Variants in SEH1L observed in about 807,000 individuals in gnomAD.
SEH1L encodes SEH1 like nucleoporin.
Under a neutral mutation model 49.5 loss-of-function variants are expected in SEH1L, and 18 were observed. That is an observed-to-expected ratio of 0.36 (90% CI 0.25 to 0.54). SEH1L has a LOEUF of 0.54. Among genes scored for constraint, SEH1L ranks in the 20% least tolerant of loss-of-function variants. The pLI, the probability that SEH1L is intolerant of heterozygous loss-of-function variation, is 0.87. For missense variants in SEH1L, 404 were observed against 528.8 expected (o/e 0.76, Z 2.31); for synonymous variants, 169 against 178.1 (o/e 0.95, Z 0.41).
chr18:12,977,013 C>G (rs76592190), intron 5 of SEH1L: 1 of 152,248 alleles, frequency 6.6e-6, no homozygotes, highest in Non-Finnish European at 1.5e-5. Context: ...TGTGTAGGCC[C>G]CAGGAGGGGG....
In SEH1L at chr18:12,984,032, C is replaced by T. The variant is rs556284026; in HGVS notation, c.920-8C>T. 2 of 1,609,946 alleles carry T rather than the reference C, an allele frequency of 1.2e-6. No individual in the cohort carries two copies. Among genetic ancestry groups the T allele is most frequent in the South Asian group, 1.1e-5 (1 of 90,882 alleles). On this transcript the variant is annotated splice_region_variant and splice_polypyrimidine_tract_variant and intron_variant, in intron 7 of 8. Coordinates refer to ENST00000399892, the MANE Select transcript of SEH1L (RefSeq NM_001013437.2). ...TCATGTTAATGTATTTGATTATTTTCCTTTCAGCTAATTATATGGACAATT... is the reference window on the plus strand; with the variant it reads ...TCATGTTAATGTATTTGATTATTTTTCTTTCAGCTAATTATATGGACAATT...
chr18:12,949,442 GTTTTTTTTT>G (rs71174155), intron 1 of SEH1L, among the ~76,000 whole-genome samples: 5 of 51,810 alleles, frequency 9.7e-5, no homozygotes, highest in African/African-American at 4.0e-4. Flanking sequence ...TACGTTAACC[GTTTTTTTTT>G]TTTTTTTTTT....
intron 5 of SEH1L, chr18:12,973,033 C>G (rs2031769217): frequency 6.6e-6 from 1 of 152,066 alleles, no homozygotes; most frequent in Non-Finnish European, 1.5e-5. Flanking sequence ...TGGTGAAACC[C>G]TTTCGCTACA....
intron 5 of SEH1L, among the ~76,000 whole-genome samples, chr18:12,974,821 T>A (rs970008520): frequency 6.6e-6 from 1 of 152,152 alleles, no homozygotes; most frequent in Non-Finnish European, 1.5e-5. Flanking sequence ...AACACTGTTT[T>A]ACAAATGAGA....
chr18:12,955,189 G>C (rs1018450585), intron 2 of SEH1L, among the ~76,000 whole-genome samples: 2 of 150,752 alleles, frequency 1.3e-5, no homozygotes, highest in Admixed American at 1.3e-4. Flanking sequence ...TATCTGGCTA[G>C]ATTTTTCTTT....
intron 2 of SEH1L, among the ~76,000 whole-genome samples, chr18:12,952,601 A>G (rs2030608643): frequency 6.6e-6 from 1 of 152,188 alleles, no homozygotes; most frequent in South Asian, 2.1e-4. Context: ...GTAAACTTAC[A>G]TAGTTGTGTA....
chr18:12,986,171 C>T, intron 8 of SEH1L: 1 of 984,836 alleles, frequency 1.0e-6, no homozygotes, highest in Non-Finnish European at 1.2e-6. Context: ...TAAATTAATT[C>T]ATGTCCTGTA....
intron 2 of SEH1L, among the ~76,000 whole-genome samples, chr18:12,954,311 CCCTCCCACCCCTTGGCCAACAGGAGGGG>C (rs1455873902): frequency 6.6e-6 from 1 of 152,146 alleles, no homozygotes; most frequent in Non-Finnish European, 1.5e-5. Context: ...CAGCCACCTC[CCCTCCCACCCCTTGGCCAACAGGAGGGG>C]TGTAAGGATT....
At chr18:12,981,156 C>T (rs2032236118) in intron 6 of SEH1L, among the ~76,000 whole-genome samples, 1 of 151,846 alleles carries the variant, frequency 6.6e-6, no homozygotes, top group Non-Finnish European at 1.5e-5. Context: ...GGCGGCCGGG[C>T]AGAGACGCTC....
chr18:12,952,377 C>T lies in SEH1L; in HGVS notation c.162+472C>T, dbSNP rs140938225. Among the ~76,000 whole-genome samples, 344 of 152,046 alleles carry T rather than the reference C, an allele frequency of 2.3e-3. 9 individuals carry two copies. The East Asian group carries it at 0.05, about 22-fold the overall frequency. On this transcript the variant is annotated intron_variant, in intron 2 of 8. Transcript: ENST00000399892. ...CCTCCCAAGTAGCTGGGACTGTAGG[C>T]GTGCACCACGATGCCCGGCTAATTT...
chr18:12,948,032 G>T lies in SEH1L; in HGVS notation c.-90G>T. On this transcript the variant is annotated 5_prime_UTR_variant, in exon 1 of 9. Transcript: ENST00000399892. ...GGGCAGCACAAGCCGTGCGCTCCCG[G>T]GCTGCGAGGTCTGGCTAGGCTACGG... 1.1e-6 allele frequency: 1 copy of T among 908,754 alleles called. No homozygotes were observed. The highest frequency in any genetic ancestry group is 1.7e-6 in the Non-Finnish European group (1 of 590,602). The allele number at this position is 908,754 out of a possible 1,614,324, so 56.3% of individuals were successfully genotyped here. A position where few individuals can be genotyped will look rare whatever the true frequency, so the allele number is the denominator to read the frequency against.
chr18:12,969,649 C>T (rs1032533979), intron 4 of SEH1L, among the ~76,000 whole-genome samples: 5 of 150,944 alleles, frequency 3.3e-5, no homozygotes, highest in Non-Finnish European at 7.4e-5. Context: ...GATCATGCCA[C>T]TGCACTCCAG....
At chr18:12,950,458 CTT>C (rs993405468) in intron 1 of SEH1L, among the ~76,000 whole-genome samples, 6 of 152,090 alleles carry the variant, frequency 3.9e-5, no homozygotes, top group Non-Finnish European at 7.4e-5. Context: ...AAATTATAGA[CTT>C]ATTGCTAATG....
chr18:12,968,585 G>A (rs780860581), intron 4 of SEH1L, among the ~76,000 whole-genome samples: 1 of 152,042 alleles, frequency 6.6e-6, no homozygotes, highest in Admixed American at 6.6e-5. Flanking sequence ...ATGGTGATAC[G>A]GACTCTTTTT....
chr18:12,961,286 A>G (rs974102383), intron 3 of SEH1L, among the ~76,000 whole-genome samples: 8 of 152,182 alleles, frequency 5.3e-5, no homozygotes, highest in African/African-American at 1.9e-4. Context: ...CCAACTCCTC[A>G]GATCTTATCA....
rs1467685892 is a variant in SEH1L at position 12,981,849 on chromosome 18, C to CTTTTTTTTTTTTTTTTTTT, written c.762-669_762-668insTTTTTTTTTTTTTTTTTTT. Among the ~76,000 whole-genome samples the CTTTTTTTTTTTTTTTTTTT allele has an allele frequency of 9.8e-5, 10 of 102,506 alleles. 2 individuals carry two copies. Among genetic ancestry groups the CTTTTTTTTTTTTTTTTTTT allele is most frequent in the Admixed American group, 3.1e-4 (3 of 9,558 alleles). The allele number at this position is 102,506 out of a possible 152,430, so 67.2% of individuals were successfully genotyped here. A position where few individuals can be genotyped will look rare whatever the true frequency, so the allele number is the denominator to read the frequency against. ...ATTCTTTCCTACTTGCTGCCCTGCC[C>CTTTTTTTTTTTTTTTTTTT]ATTTTTTTTTTTTTTTTTTTTTTTT... On this transcript the variant is annotated intron_variant, in intron 6 of 8. Coordinates refer to ENST00000399892, the MANE Select transcript of SEH1L (RefSeq NM_001013437.2).
chr18:12,974,017 G>A (rs2031809003), intron 5 of SEH1L: 1 of 152,220 alleles, frequency 6.6e-6, no homozygotes, highest in Non-Finnish European at 1.5e-5. Context: ...CCATGCCTTA[G>A]CTGCAAGAGA....
chr18:12,986,594 A>T, intron 8 of SEH1L: 1 of 1,016,638 alleles, frequency 9.8e-7, no homozygotes, highest in Non-Finnish European at 1.2e-6. Context: ...ATTTATATAT[A>T]TTTTTTAACA....
Position 12,982,579 on chromosome 18 carries a change from G to A in SEH1L, c.823G>A (p.Asp275Asn), listed in dbSNP as rs2032314586. 3 of 1,613,764 alleles carry A rather than the reference G, an allele frequency of 1.9e-6. No individual in the cohort carries two copies. The highest frequency in any genetic ancestry group is 1.7e-5 in the Admixed American group (1 of 60,000). The part of the protein sequence containing the change: ...KFEIHIVAQF[D>N]NHNSQVWRVS... Reference sequence around the variant, plus strand: ...TGAAATCCATATAGTGGCTCAGTTCGATAATCATAATTCTCAGGTCTGGCG... The same window carrying A: ...TGAAATCCATATAGTGGCTCAGTTCAATAATCATAATTCTCAGGTCTGGCG... The change falls in exon 7 of 9, where the codon GAT (aspartate) becomes AAT (asparagine). Residue 275 changes from aspartate (D) to asparagine (N), a missense_variant. Physicochemically the swap from Asp to Asn is conservative, Grantham distance 23. Transcript: ENST00000399892.
Sources: allele counts gnomAD v4.1 joint callset (sites outside exome capture counted in the v4.1 genomes callset), GRCh38; gene constraint gnomAD v4.1.1; transcripts MANE v1.5; gene names NCBI Gene and HGNC (gene_info 2026-07-23, HGNC 2026-07-21).